Variants in RIMS1 observed in about 807,000 individuals in gnomAD.
RIMS1 encodes regulating synaptic membrane exocytosis 1.
RIMS1 carries 83 observed loss-of-function variants against 214.1 expected under a neutral mutation model. That is an observed-to-expected ratio of 0.39 (90% CI 0.32 to 0.47). RIMS1 has a LOEUF of 0.47. Ranked by LOEUF, RIMS1 falls within the 20% of genes least tolerant of loss-of-function variation. The pLI, the probability that RIMS1 is intolerant of heterozygous loss-of-function variation, is 0.99. For missense variants in RIMS1, 2,050 were observed against 2,161.8 expected, an observed-to-expected ratio of 0.95 and a Z score of 1.03; for synonymous variants, 793 against 786.8, an observed-to-expected ratio of 1.01 and a Z score of -0.13.
At chr6:72,319,413 G>T (rs76614286) in intron 28 of RIMS1, among the ~76,000 whole-genome samples, 1 of 152,180 alleles carries the variant, frequency 6.6e-6, no homozygotes, top group African/African-American at 2.4e-5. Context: ...TGAAGTCTCA[G>T]AGGATATTGA....
At chr6:72,352,988 T>C (rs1043285287) in intron 29 of RIMS1, among the ~76,000 whole-genome samples, 19 of 128,398 alleles carry the variant, frequency 1.5e-4, no homozygotes, top group Admixed American at 4.7e-4. Flanking sequence ...TTTTTCTTTT[T>C]TTTTTTTTTT....
chr6:72,185,763 A>C (rs1004832336), intron 6 of RIMS1, among the ~76,000 whole-genome samples: 6 of 152,236 alleles, frequency 3.9e-5, no homozygotes, highest in Non-Finnish European at 1.5e-5. Flanking sequence ...AATGTCAGAC[A>C]GAAATTACTA....
intron 6 of RIMS1, among the ~76,000 whole-genome samples, chr6:72,194,663 G>T (rs2050591016): frequency 1.3e-5 from 2 of 152,002 alleles, no homozygotes; most frequent in Non-Finnish European, 2.9e-5. Flanking sequence ...AAAACCAAAA[G>T]GTAACCTGGT....
chr6:72,299,473 C>A (rs911564947), intron 26 of RIMS1, among the ~76,000 whole-genome samples: 39 of 151,726 alleles, frequency 2.6e-4, no homozygotes, highest in African/African-American at 9.4e-4. Context: ...ATTATTGTAA[C>A]TAGATCATAG....
intron 2 of RIMS1, among the ~76,000 whole-genome samples, chr6:72,005,803 T>A (rs1807324844): frequency 6.6e-6 from 1 of 152,198 alleles, no homozygotes; most frequent in African/African-American, 2.4e-5. Flanking sequence ...ACATGGGACA[T>A]GTAGATTAGT....
intron 1 of RIMS1, among the ~76,000 whole-genome samples, chr6:71,907,710 CAG>C (rs1387624678): frequency 6.6e-6 from 1 of 152,136 alleles, no homozygotes; most frequent in Non-Finnish European, 1.5e-5. Flanking sequence ...TTTTAGCTCA[CAG>C]CGTATATACA....
At chr6:72,009,344 T>C (rs1327509402) in intron 2 of RIMS1, among the ~76,000 whole-genome samples, 2 of 152,172 alleles carry the variant, frequency 1.3e-5, no homozygotes, top group African/African-American at 4.8e-5. Flanking sequence ...GGGAAATTTA[T>C]AGCAGTAAAT....
chr6:72,402,616 G>A lies in RIMS1; in HGVS notation c.*1902G>A, dbSNP rs997065146. The A allele has an allele frequency of 2.0e-5, 3 of 152,520 alleles. No homozygotes were observed. Among genetic ancestry groups the A allele is most frequent in the African/African-American group, 7.2e-5 (3 of 41,400 alleles). The allele number at this position is 152,520 out of a possible 1,614,324, so 9.4% of individuals were successfully genotyped here. A position where few individuals can be genotyped will look rare whatever the true frequency, so the allele number is the denominator to read the frequency against. Reference sequence around the variant, plus strand: ...CAGATTGACCACTGCTCACCATGCTGAGTAGGAGGAACTGAAGCATTGGTG... The same window carrying A: ...CAGATTGACCACTGCTCACCATGCTAAGTAGGAGGAACTGAAGCATTGGTG... On this transcript the variant is annotated 3_prime_UTR_variant, in exon 34 of 34. Coordinates refer to ENST00000521978, the MANE Select transcript of RIMS1 (RefSeq NM_014989.7).
intron 6 of RIMS1, among the ~76,000 whole-genome samples, chr6:72,190,894 C>T (rs1260486939): frequency 6.6e-6 from 1 of 152,158 alleles, no homozygotes; most frequent in East Asian, 1.9e-4. Flanking sequence ...TCCAGTAAAG[C>T]CCAGGAACAG....
In RIMS1 at chr6:72,182,895, G is replaced by A. The variant is rs775699546; in HGVS notation, c.1424G>A (p.Arg475His). ...KAQEPLRKQS[R>H]LDPSSAVLMR... ...CAGGAGCCCCTCAGGAAGCAGAGCC[G>A]CCTGGACCCCAGCTCGGCGGTCCTC... The change falls in exon 6 of 34, where the codon CGC becomes CAC. Residue 475 changes from arginine (R) to histidine (H), a missense_variant. Around this residue, in one of 6 missense-constraint regions of RIMS1, gnomAD observed 882 missense variants for 828.9 expected, o/e 1.06. Transcript: ENST00000521978. 4 of 1,572,286 alleles carry A rather than the reference G, an allele frequency of 2.5e-6. No homozygotes were observed. The highest frequency in any genetic ancestry group is 1.2e-5 in the South Asian group (1 of 85,530).
intron 27 of RIMS1, among the ~76,000 whole-genome samples, chr6:72,313,261 A>G (rs781637876): frequency 2.6e-5 from 4 of 152,204 alleles, no homozygotes; most frequent in Non-Finnish European, 5.9e-5. Context: ...GACTTTTCCA[A>G]TCAGGCATTT....
intron 2 of RIMS1, among the ~76,000 whole-genome samples, chr6:71,991,911 A>G (rs1562048277): frequency 6.6e-6 from 1 of 152,178 alleles, no homozygotes; most frequent in Admixed American, 6.5e-5. Context: ...TAAAAATACA[A>G]AAAGTTAGCC....
In RIMS1 at chr6:72,182,532, G is replaced by C. The variant is rs1282445736; in HGVS notation, c.1061G>C (p.Arg354Thr). 1.3e-6 allele frequency: 2 copies of C among 1,566,780 alleles called. No homozygotes were observed. Among genetic ancestry groups the C allele is most frequent in the Non-Finnish European group, 1.7e-6 (2 of 1,156,550 alleles). Reference sequence around the variant, plus strand: ...AGAAAAGAGGAGGATTATCAGACCAGGTACCGCAGCGACCCGAACCTAGCT... The same window carrying C: ...AGAAAAGAGGAGGATTATCAGACCACGTACCGCAGCGACCCGAACCTAGCT... ...KQRKEEDYQTRYRSDPNLARY... is the reference protein window; with the variant it reads ...KQRKEEDYQTTYRSDPNLARY... The change falls in exon 6 of 34, where the codon AGG becomes ACG. Residue 354 changes from arginine (R) to threonine (T), a missense_variant. By Grantham distance (71) the Arg-to-Thr change is moderately conservative. Coordinates refer to ENST00000521978, the MANE Select transcript of RIMS1 (RefSeq NM_014989.7).
intron 2 of RIMS1, among the ~76,000 whole-genome samples, chr6:72,059,585 C>T (rs1827298300): frequency 6.6e-6 from 1 of 152,034 alleles, no homozygotes; most frequent in Non-Finnish European, 1.5e-5. Flanking sequence ...TTGTTAACTA[C>T]TATGTATTAA....
intron 26 of RIMS1, among the ~76,000 whole-genome samples, chr6:72,297,382 A>G (rs1295138388): frequency 6.6e-6 from 1 of 152,016 alleles, no homozygotes; most frequent in Non-Finnish European, 1.5e-5. Flanking sequence ...GAAATGGGCC[A>G]TGATCTAATT....
At chr6:72,268,606 G>A (rs2081633275) in intron 22 of RIMS1, among the ~76,000 whole-genome samples, 2 of 152,282 alleles carry the variant, frequency 1.3e-5, no homozygotes, top group African/African-American at 4.8e-5. Context: ...AGATAAAAGA[G>A]CAGCATTCTT....
chr6:72,203,874 T>G (rs191882835), intron 6 of RIMS1, among the ~76,000 whole-genome samples: 1 of 152,330 alleles, frequency 6.6e-6, no homozygotes, highest in Admixed American at 6.5e-5. Flanking sequence ...TTGGCAAATC[T>G]CAAACCTGAC....
chr6:72,228,402 T>C (rs1365875108), intron 6 of RIMS1, among the ~76,000 whole-genome samples: 3 of 151,940 alleles, frequency 2.0e-5, no homozygotes, highest in Non-Finnish European at 4.4e-5. Flanking sequence ...CTACTTATAC[T>C]CCTCATTATG....
At chr6:71,898,008 A>G (rs1205275257) in intron 1 of RIMS1, among the ~76,000 whole-genome samples, 2 of 152,182 alleles carry the variant, frequency 1.3e-5, no homozygotes, top group African/African-American at 2.4e-5. Context: ...CAGGTTGACC[A>G]GAACTTATGA....
Sources: gnomAD v4.1 joint callset for allele counts (sites outside exome capture counted in the v4.1 genomes callset) on GRCh38, gnomAD v4.1.1 for gene constraint, gnomAD v4.1.1 regional missense constraint, MANE v1.5 for transcripts, NCBI Gene and HGNC (gene_info 2026-07-23, HGNC 2026-07-21) for gene names.